ELMO1: variants seen among roughly 807,000 people sequenced by gnomAD.
The protein encoded by ELMO1 is engulfment and cell motility 1, also known as engulfment and cell motility protein 1.
A neutral mutation model predicts 98.9 loss-of-function variants in ELMO1; 26 were observed. The observed-to-expected ratio is 0.26, with a 90% CI of 0.19 to 0.36. The LOEUF (loss-of-function observed/expected upper bound fraction) is 0.36, where lower values mean the gene tolerates loss of function less well. Ranked by LOEUF, ELMO1 falls within the 10% of genes least tolerant of loss-of-function variation. ELMO1 has a pLI of 1.00. For missense variants in ELMO1, 627 were observed against 935.2 expected, an observed-to-expected ratio of 0.67 and a Z score of 4.30; for synonymous variants, 346 against 346.0, an observed-to-expected ratio of 1.00 and a Z score of 0.00.
At position 36,855,310 on chromosome 7, in the gene ELMO1, G is replaced by C. The variant is rs1232796134; in HGVS notation, c.*241C>G. 6 of 545,136 alleles carry C rather than the reference G, an allele frequency of 1.1e-5. No individual in the cohort carries two copies. The African/African-American group carries it at 1.1e-4, about 10-fold the overall frequency. 33.8% of individuals were successfully genotyped at this position (545,136 alleles called of 1,614,324 possible). On this transcript the variant is annotated 3_prime_UTR_variant, in exon 22 of 22. Transcript: ENST00000310758. This position sits in a 1 kb window ranked among gnomAD's most constrained non-coding sequence, Gnocchi z 4.2. ...AGTGGGCTTTGCTCTTGTCCCACCA[G>C]TGGACTGCAGCCATGGGAAGTGACC... is the stretch of plus-strand genomic sequence containing the variant.
intron 5 of ELMO1, among the ~76,000 whole-genome samples, chr7:37,264,155 G>C (rs188614895): frequency 7.8e-4 from 119 of 152,276 alleles, no homozygotes; most frequent in Admixed American, 1.4e-3. Flanking sequence ...TATGGGAGGT[G>C]GGAATATGCG....
chr7:37,167,922 C>G (rs536980110), intron 13 of ELMO1, among the ~76,000 whole-genome samples: 4 of 152,114 alleles, frequency 2.6e-5, no homozygotes, highest in Admixed American at 6.6e-5. Flanking sequence ...TGGATAATAT[C>G]CTGTAGAGTG....
intron 8 of ELMO1, among the ~76,000 whole-genome samples, chr7:37,230,764 A>C: frequency 6.6e-6 from 1 of 152,240 alleles, no homozygotes; most frequent in East Asian, 1.9e-4. Flanking sequence ...ATGTTTGTTA[A>C]GTATTAAAAA....
intron 1 of ELMO1, among the ~76,000 whole-genome samples, chr7:37,344,042 T>TTTC (rs1421023935): frequency 6.6e-6 from 1 of 150,780 alleles, no homozygotes; most frequent in Non-Finnish European, 1.5e-5. Context: ...CATTTTTTTT[T>TTTC]TTTTTTTGAG....
chr7:36,963,421 G>C (rs1447749897), intron 16 of ELMO1, among the ~76,000 whole-genome samples: 1 of 148,720 alleles, frequency 6.7e-6, no homozygotes, highest in African/African-American at 2.5e-5. Flanking sequence ...ATAAATAAAG[G>C]CATCTTTGAA....
chr7:36,869,510 T>A (rs537516977), intron 20 of ELMO1, among the ~76,000 whole-genome samples: 3 of 152,340 alleles, frequency 2.0e-5, no homozygotes, highest in African/African-American at 7.2e-5. Context: ...CCCTCTTAGA[T>A]ACTGACACTG....
intron 13 of ELMO1, among the ~76,000 whole-genome samples, chr7:37,144,858 C>T (rs1462087508): frequency 6.6e-6 from 1 of 152,138 alleles, no homozygotes; most frequent in African/African-American, 2.4e-5. Flanking sequence ...CTGTTACCTG[C>T]CTGTCAGTTT....
intron 13 of ELMO1, among the ~76,000 whole-genome samples, chr7:37,142,691 G>A (rs914951374): frequency 2.6e-5 from 4 of 152,198 alleles, no homozygotes; most frequent in African/African-American, 9.7e-5. Flanking sequence ...TAGCCACTGT[G>A]CATCATAGGC....
intron 1 of ELMO1, among the ~76,000 whole-genome samples, chr7:37,424,944 G>A (rs1486940051): frequency 5.3e-5 from 8 of 151,904 alleles, no homozygotes; most frequent in Admixed American, 2.6e-4. Context: ...CTTATTCAAC[G>A]AATATTTATT....
Position 36,922,910 on chromosome 7 carries a change from A to G in ELMO1, c.1438-27893T>C, listed in dbSNP as rs186181449. Among the ~76,000 whole-genome samples, 29 of 152,274 alleles carry G rather than the reference A, an allele frequency of 1.9e-4. No individual in the cohort carries two copies. In the East Asian group the frequency reaches 5.2e-3, roughly 27 times the overall value. ...CCCAATGCACCTCCTGTCTTTCTTA[A>G]AGGTGACGATGAGTAGAAATGACCA... is the stretch of plus-strand genomic sequence containing the variant. On this transcript the variant is annotated intron_variant, in intron 16 of 21. Transcript: ENST00000310758.
chr7:37,083,000 T>C (rs1349315347), intron 15 of ELMO1, among the ~76,000 whole-genome samples: 3 of 152,206 alleles, frequency 2.0e-5, no homozygotes, highest in Admixed American at 6.5e-5. Flanking sequence ...AGTCAGCATA[T>C]TGGTTACATA....
chr7:37,026,130 A>G (rs1794562119), intron 15 of ELMO1, among the ~76,000 whole-genome samples: 1 of 152,146 alleles, frequency 6.6e-6, no homozygotes, highest in Non-Finnish European at 1.5e-5. Context: ...TGGCGCATTA[A>G]GAGACTGTCA....
At chr7:36,893,584 A>T (rs1805741623) in intron 17 of ELMO1, among the ~76,000 whole-genome samples, 2 of 152,226 alleles carry the variant, frequency 1.3e-5, no homozygotes, top group South Asian at 4.1e-4. Context: ...GGTAGATGTT[A>T]CTGCTTAGCT....
chr7:36,971,296 A>G (rs912739400), intron 16 of ELMO1, among the ~76,000 whole-genome samples: 7 of 152,206 alleles, frequency 4.6e-5, no homozygotes, highest in Non-Finnish European at 1.0e-4. Flanking sequence ...GGTGGTGATA[A>G]TTAAATTAAA....
intron 1 of ELMO1, among the ~76,000 whole-genome samples, chr7:37,426,216 C>T (rs1173897649): frequency 3.0e-5 from 4 of 135,148 alleles, no homozygotes; most frequent in East Asian, 2.3e-4. Flanking sequence ...TACAGTGGCA[C>T]AATCTTGGGT....
chr7:36,887,866 T>G (rs1760026697), intron 17 of ELMO1, among the ~76,000 whole-genome samples, 194 bp from the exon 18 acceptor site: 2 of 152,172 alleles, frequency 1.3e-5, no homozygotes, highest in African/African-American at 4.8e-5. Flanking sequence ...CCACAATAGA[T>G]TCTGTGACAT....
At chr7:36,993,319 G>A (rs765915911) in intron 16 of ELMO1, among the ~76,000 whole-genome samples, 57 of 152,272 alleles carry the variant, frequency 3.7e-4, no homozygotes, top group Non-Finnish European at 7.6e-4. Context: ...TAGTAAGTTG[G>A]CTTTATCAGA....
intron 21 of ELMO1, among the ~76,000 whole-genome samples, chr7:36,858,719 A>T (rs1802392166): frequency 6.6e-6 from 1 of 152,202 alleles, no homozygotes; most frequent in Non-Finnish European, 1.5e-5. Flanking sequence ...TGAGTACGAA[A>T]GAGGAGGCTG....
At chr7:37,280,755 A>G (rs1797093533) in intron 4 of ELMO1, among the ~76,000 whole-genome samples, 1 of 152,154 alleles carries the variant, frequency 6.6e-6, no homozygotes, top group African/African-American at 2.4e-5. Flanking sequence ...TTCCGGTGGG[A>G]ACGTAAACTA....
Sources: allele counts gnomAD v4.1 joint callset (sites outside exome capture counted in the v4.1 genomes callset), GRCh38; gene constraint gnomAD v4.1.1; non-coding constraint Gnocchi (gnomAD v3.1); transcripts MANE v1.5; gene names NCBI Gene and HGNC (gene_info 2026-07-23, HGNC 2026-07-21).